CEP63: variants seen among roughly 807,000 people sequenced by gnomAD.
CEP63 encodes the protein centrosomal protein 63, also known as centrosomal protein of 63 kDa.
CEP63 carries 84 observed loss-of-function variants against 89.1 expected under a neutral mutation model. That is an observed-to-expected ratio of 0.94 (90% CI 0.79 to 1.13). CEP63 has a LOEUF of 1.13. CEP63 is among the 50% of genes most tolerant of loss of function. The pLI is 0.00. For missense variants in CEP63, 838 were observed against 813.3 expected, an observed-to-expected ratio of 1.03 and a Z score of -0.37; for synonymous variants, 267 against 272.5, an observed-to-expected ratio of 0.98 and a Z score of 0.20.
chr3:134,523,211 T>C (rs553232775), intron 3 of CEP63, among the ~76,000 whole-genome samples: 2 of 152,344 alleles, frequency 1.3e-5, no homozygotes, highest in East Asian at 3.9e-4. Flanking sequence ...TTTTGAAATG[T>C]GTCTGTTCAT....
Position 134,551,954 on chromosome 3 carries a change from A to C in CEP63, c.1409A>C (p.Lys470Thr), listed in dbSNP as rs377460377. The change falls in exon 12 of 15, where the codon AAA becomes ACA. Residue 470 changes from lysine to threonine, a missense_variant. By Grantham distance (78) the Lys-to-Thr change is moderately conservative. Transcript: ENST00000675561. ...ATTTTGGATCAGCTGGAGTCACTCAAATTAGAAAATCGTCATCTTTCTGAA... is the reference window on the plus strand; with the variant it reads ...ATTTTGGATCAGCTGGAGTCACTCACATTAGAAAATCGTCATCTTTCTGAA... ...KEILDQLESLKLENRHLSEMV... is the reference protein window; with the variant it reads ...KEILDQLESLTLENRHLSEMV... 1 of 1,609,776 alleles carries C rather than the reference A, an allele frequency of 6.2e-7. No individual in the cohort carries two copies. The highest frequency in any genetic ancestry group is 1.7e-5 in the Admixed American group (1 of 59,814).
At chr3:134,572,652 G>A (rs867254495) in intron 11 of CEP63, among the ~76,000 whole-genome samples, 15 of 152,162 alleles carry the variant, frequency 9.9e-5, no homozygotes, top group Middle Eastern at 3.4e-3. Flanking sequence ...TATCTAATCC[G>A]CTATTGATGG....
At chr3:134,547,576 T>G in intron 9 of CEP63, 104 bp downstream of exon 9, 1 of 773,514 alleles carries the variant, frequency 1.3e-6, no homozygotes, top group Admixed American at 2.6e-5. Context: ...AAAATAAGAT[T>G]TTTTTCTAGT....
At chr3:134,485,785 G>C (rs1935081134), upstream of CEP63, 1 of 170,684 alleles carries the variant, frequency 5.9e-6, no homozygotes, top group Non-Finnish European at 1.2e-5. Flanking sequence ...GAGGTCTGGG[G>C]GTGCCACGCA....
chr3:134,640,374 T>C, the CEP63 span, among the ~76,000 whole-genome samples: 1 of 152,116 alleles, frequency 6.6e-6, no homozygotes, highest in East Asian at 1.9e-4. Context: ...TCAGGCAAGT[T>C]ATTTAAATAT....
At chr3:134,518,994 T>C (rs1175978730) in intron 3 of CEP63, among the ~76,000 whole-genome samples, 2 of 152,016 alleles carry the variant, frequency 1.3e-5, no homozygotes, top group Non-Finnish European at 1.5e-5. Context: ...AAAGGGGTTA[T>C]AAAAAGATAC....
At chr3:134,588,687 C>T (rs887093276), downstream of CEP63, among the ~76,000 whole-genome samples, 33 of 151,982 alleles carry the variant, frequency 2.2e-4, no homozygotes, top group African/African-American at 6.3e-4. Context: ...GCAAACTAAA[C>T]GTCAAGAAAA....
chr3:134,682,805 T>C, the CEP63 span, among the ~76,000 whole-genome samples: 1 of 152,164 alleles, frequency 6.6e-6, no homozygotes, highest in African/African-American at 2.4e-5. Context: ...CTCATTTTAC[T>C]GCTAAAGAAA....
At chr3:134,512,355 C>A (rs533820462) in intron 3 of CEP63, among the ~76,000 whole-genome samples, 1 of 152,332 alleles carries the variant, frequency 6.6e-6, no homozygotes, top group Admixed American at 6.5e-5. Flanking sequence ...CCTGCTGTTA[C>A]TATCTTCTAG....
chr3:134,567,123 A>G (rs1360415081), downstream of CEP63, among the ~76,000 whole-genome samples: 1 of 149,286 alleles, frequency 6.7e-6, no homozygotes, highest in Non-Finnish European at 1.5e-5. Context: ...ATGCCACAGC[A>G]TGGATGAACC....
intron 2 of CEP63, among the ~76,000 whole-genome samples, chr3:134,506,394 G>A (rs1943461710): frequency 6.6e-6 from 1 of 152,134 alleles, no homozygotes; most frequent in African/African-American, 2.4e-5. Flanking sequence ...TTCTTCCAAG[G>A]CTTTTTCCTT....
chr3:134,577,428 C>G (rs1577509451), downstream of CEP63, among the ~76,000 whole-genome samples: 1 of 120,160 alleles, frequency 8.3e-6, no homozygotes, highest in Non-Finnish European at 1.6e-5. Flanking sequence ...CTTTTCTAAT[C>G]CACTTTTTTT....
At chr3:134,624,976 C>T in the CEP63 span, 1 of 1,258,358 alleles carries the variant, frequency 7.9e-7, no homozygotes, top group Non-Finnish European at 1.1e-6. Context: ...CAGGAGGTGT[C>T]TGGGGAGAGG....
rs774144544 is a variant in CEP63 at position 134,549,131 on chromosome 3, G to A, written c.1137G>A (p.Lys379=). ...QELMEKYEEL[K]RMEAHNNEYK... is the part of the protein sequence containing the mutation. ...TAATGGAAAAATATGAAGAACTGAA[G>A]AGGATGGAAGCACATAACAATGAAT... Residue 379 remains lysine (K), a synonymous_variant, in exon 10 of 15, where the codon AAG becomes AAA. Transcript: ENST00000675561. 1.9e-4 allele frequency: 314 copies of A among 1,613,356 alleles called. No homozygotes were observed. The highest frequency in any genetic ancestry group is 5.0e-4 in the Admixed American group (30 of 60,000).
the CEP63 span, among the ~76,000 whole-genome samples, chr3:134,638,190 C>T: frequency 2.6e-5 from 4 of 152,158 alleles, no homozygotes; most frequent in African/African-American, 7.2e-5. Context: ...GGGCTGGACA[C>T]GCTGTTTCAA....
the CEP63 span, among the ~76,000 whole-genome samples, chr3:134,726,691 G>A: frequency 2.6e-5 from 4 of 151,964 alleles, no homozygotes; most frequent in African/African-American, 4.8e-5. Flanking sequence ...TTGGGATCCC[G>A]GCCATGGCTG....
chr3:134,650,761 G>A, the CEP63 span: 47 of 1,429,794 alleles, frequency 3.3e-5, no homozygotes, highest in Non-Finnish European at 4.2e-5. Flanking sequence ...CCGGCGGGCA[G>A]GCCCTTGTGG....
At chr3:134,757,123 T>G in the CEP63 span, among the ~76,000 whole-genome samples, 6 of 152,270 alleles carry the variant, frequency 3.9e-5, no homozygotes, top group Admixed American at 3.3e-4. Context: ...ATCTTTTGCA[T>G]GAAGGACCAG....
the CEP63 span, among the ~76,000 whole-genome samples, chr3:134,643,557 T>C: frequency 6.6e-6 from 1 of 152,210 alleles, no homozygotes; most frequent in Non-Finnish European, 1.5e-5. Flanking sequence ...ACACTGTGCA[T>C]GGAGACAAAT....
Sources: gnomAD v4.1 joint callset for allele counts (sites outside exome capture counted in the v4.1 genomes callset) on GRCh38, gnomAD v4.1.1 for gene constraint, MANE v1.5 for transcripts, NCBI Gene and HGNC (gene_info 2026-07-23, HGNC 2026-07-21) for gene names.